Variants in TENM2 observed in about 807,000 individuals in gnomAD.
The protein encoded by TENM2 is teneurin-2.
In TENM2, 52 loss-of-function variants were observed where a neutral mutation model predicts 245.2. That is an observed-to-expected ratio of 0.21 (90% CI 0.17 to 0.27). The LOEUF (loss-of-function observed/expected upper bound fraction) is 0.27. Among genes scored for constraint, TENM2 ranks in the 10% least tolerant of loss-of-function variants. The pLI is 1.00. For missense variants in TENM2, 3,046 were observed against 3,666.8 expected (o/e 0.83, Z 4.37); for synonymous variants, 1,363 against 1,438.9 (o/e 0.95, Z 1.19).
At position 168,246,785 on chromosome 5, in the gene TENM2, G is replaced by A. The variant is rs201501970; in HGVS notation, c.5846G>A (p.Arg1949His). 284 of 1,613,722 alleles carry A rather than the reference G, an allele frequency of 1.8e-4. No homozygotes were observed. Among genetic ancestry groups the A allele is most frequent in the Non-Finnish European group, 2.1e-4 (250 of 1,179,862 alleles). The change falls in exon 27 of 29, where the codon CGT becomes CAT. Residue 1949 changes from arginine to histidine, a missense_variant. Arg to His is a conservative substitution (Grantham distance 29). This residue lies in a region of TENM2 where 2,704 missense variants were observed against 3,331.9 expected (regional missense o/e 0.81). Coordinates refer to ENST00000518659, the Ensembl canonical transcript of TENM2. ...ATGGTCCTCCTGCTTCAGAGCCAACGTCAGTATATATTTGAGTATGACTCC... is the reference window on the plus strand; with the variant it reads ...ATGGTCCTCCTGCTTCAGAGCCAACATCAGTATATATTTGAGTATGACTCC...
intron 2 of TENM2, among the ~76,000 whole-genome samples, chr5:167,686,805 C>T (rs577166567): frequency 6.6e-6 from 1 of 152,228 alleles, no homozygotes; most frequent in East Asian, 1.9e-4. Context: ...CTTCTGACAC[C>T]TCAGGGGTTC....
At chr5:168,038,108 C>T (rs918589283) in intron 5 of TENM2, among the ~76,000 whole-genome samples, 3 of 152,218 alleles carry the variant, frequency 2.0e-5, no homozygotes, top group African/African-American at 7.2e-5. Context: ...TCAAATCCCA[C>T]CTCTAACACT....
intron 2 of TENM2, among the ~76,000 whole-genome samples, chr5:167,653,006 C>A (rs1455838643): frequency 6.6e-6 from 1 of 152,108 alleles, no homozygotes; most frequent in Non-Finnish European, 1.5e-5. Flanking sequence ...TAGCTTACTG[C>A]TTTTCATATA....
At chr5:167,651,800 C>T (rs191943026) in intron 2 of TENM2, among the ~76,000 whole-genome samples, 1 of 152,130 alleles carries the variant, frequency 6.6e-6, no homozygotes. Context: ...TCTTTCTGTT[C>T]TGAACACACG....
intron 2 of TENM2, among the ~76,000 whole-genome samples, chr5:167,428,070 CCTT>C (rs940926345): frequency 1.3e-5 from 2 of 152,136 alleles, no homozygotes; most frequent in African/African-American, 2.4e-5. Flanking sequence ...TCTATTCCCT[CCTT>C]TTTTTGTCTG....
rs780306599 is a variant in TENM2 at position 168,247,735 on chromosome 5, G to A, written c.6796G>A (p.Asp2266Asn). Residue 2266 changes from aspartate (D) to asparagine (N), a missense_variant, in exon 27 of 29, where the codon GAC becomes AAC. Coordinates refer to ENST00000518659, the Ensembl canonical transcript of TENM2. This position sits in a 1 kb window ranked among gnomAD's most constrained non-coding sequence, Gnocchi z 7.8. The stretch of plus-strand genomic sequence containing the variant: ...CGGGGATGTGCAGTACAAAATTGAC[G>A]ACGATGGCTATCTGTGCCAGAGAGG... The A allele has an allele frequency of 9.9e-6, 16 of 1,613,764 alleles. No homozygotes were observed. The highest frequency in any genetic ancestry group is 1.6e-4 in the Middle Eastern group (1 of 6,084).
intron 12 of TENM2, among the ~76,000 whole-genome samples, chr5:168,146,133 C>T (rs1490777466): frequency 1.3e-5 from 2 of 151,610 alleles, no homozygotes; most frequent in Non-Finnish European, 2.9e-5. Flanking sequence ...CAAACAGGGA[C>T]AATTTGACTT....
At chr5:167,793,926 A>C (rs1765150030) in intron 2 of TENM2, among the ~76,000 whole-genome samples, 1 of 152,036 alleles carries the variant, frequency 6.6e-6, no homozygotes, top group East Asian at 2.0e-4. Context: ...ACTTTCTATT[A>C]GTCTTCACTT....
chr5:167,086,929 G>GCACA, the TENM2 span, among the ~76,000 whole-genome samples: 1,262 of 90,918 alleles, frequency 0.014, 10 homozygotes, highest in Middle Eastern at 0.032. Flanking sequence ...ACACACACAC[G>GCACA]CACACACACA....
chr5:167,983,993 C>A (rs1368844311), intron 4 of TENM2, among the ~76,000 whole-genome samples: 1 of 152,210 alleles, frequency 6.6e-6, no homozygotes, highest in African/African-American at 2.4e-5. Flanking sequence ...CATTTATTGA[C>A]CATTCACTGG....
At chr5:168,155,563 G>A (rs1268805683) in intron 12 of TENM2, among the ~76,000 whole-genome samples, 2 of 152,102 alleles carry the variant, frequency 1.3e-5, no homozygotes, top group East Asian at 3.9e-4. Context: ...GGTATTGCTG[G>A]AGTTTTGGCT....
intron 1 of TENM2, among the ~76,000 whole-genome samples, chr5:167,361,280 A>C (rs1463481993): frequency 6.6e-6 from 1 of 152,210 alleles, no homozygotes; most frequent in South Asian, 2.1e-4. Flanking sequence ...ACGAGTGTTA[A>C]TATTTTGTCA....
At chr5:167,500,636 A>G (rs1769153477) in intron 2 of TENM2, among the ~76,000 whole-genome samples, 3 of 152,132 alleles carry the variant, frequency 2.0e-5, no homozygotes, top group Non-Finnish European at 4.4e-5. Flanking sequence ...CTATCACTGG[A>G]CTGAAGTCCC....
chr5:167,712,657 A>C (rs1758986652), intron 2 of TENM2, among the ~76,000 whole-genome samples: 1 of 152,236 alleles, frequency 6.6e-6, no homozygotes, highest in Admixed American at 6.5e-5. Flanking sequence ...ATTCAGAAAT[A>C]TAAGCATAGC....
chr5:167,928,343 T>C (rs1777921425), intron 3 of TENM2, among the ~76,000 whole-genome samples: 1 of 152,182 alleles, frequency 6.6e-6, no homozygotes, highest in Non-Finnish European at 1.5e-5. Flanking sequence ...ATGAGTTTAA[T>C]TTGATAACAT....
chr5:168,106,347 A>G lies in TENM2; in HGVS notation c.1813+8220A>G, dbSNP rs555242773. 4.4e-4 allele frequency among the ~76,000 whole-genome samples: 14 copies of G among 31,652 alleles called. No individual in the cohort carries two copies. The East Asian group carries it at 0.016, about 37-fold the overall frequency. The allele number at this position is 31,652 out of a possible 152,430, so 20.8% of individuals were successfully genotyped here. ...TACATGCCAGCACTAAAAACAAATC[A>G]TCATCATCATCATCATCATCAGAGC... is the stretch of plus-strand genomic sequence containing the variant. On this transcript the variant is annotated intron_variant, in intron 9 of 28. Coordinates refer to ENST00000518659, the Ensembl canonical transcript of TENM2.
intron 2 of TENM2, among the ~76,000 whole-genome samples, chr5:167,689,529 A>C (rs1031803224): frequency 2.0e-5 from 3 of 152,210 alleles, no homozygotes; most frequent in African/African-American, 7.2e-5. Flanking sequence ...CAACACAAAA[A>C]AATGAAATGA....
intron 2 of TENM2, among the ~76,000 whole-genome samples, chr5:167,496,385 G>T (rs1014741752): frequency 6.6e-6 from 1 of 152,034 alleles, no homozygotes; most frequent in African/African-American, 2.4e-5. Flanking sequence ...GATGGATTTT[G>T]TTAAGAGAAA....
intron 2 of TENM2, among the ~76,000 whole-genome samples, chr5:167,640,430 C>G (rs892412399): frequency 3.3e-5 from 5 of 151,954 alleles, no homozygotes; most frequent in African/African-American, 1.2e-4. Flanking sequence ...CCAGCCTGGC[C>G]AACATGGCAA....
Sources: allele counts gnomAD v4.1 joint callset (sites outside exome capture counted in the v4.1 genomes callset), GRCh38; gene constraint gnomAD v4.1.1; regional missense constraint gnomAD v4.1.1; non-coding constraint Gnocchi (gnomAD v3.1); transcripts MANE v1.5; gene names NCBI Gene and HGNC (gene_info 2026-07-23, HGNC 2026-07-21).